NBPF11: variants seen among roughly 807,000 people sequenced by gnomAD.
NBPF11 encodes the protein NBPF family member NBPF11.
A neutral mutation model predicts 93.9 loss-of-function variants in NBPF11; 72 were observed. The observed-to-expected ratio is 0.77, with a 90% CI of 0.63 to 0.93. The LOEUF is 0.93. NBPF11 is among the 40% of genes least tolerant of loss of function. The pLI is 0.00. For synonymous variants in NBPF11, 224 were observed against 304.9 expected (o/e 0.73, Z 2.76); for missense variants, 705 against 802.2 (o/e 0.88, Z 1.46).
intron 16 of NBPF11, 68 bp downstream of exon 16, chr1:148,110,310 C>G (rs1664943857): frequency 1.9e-6 from 3 of 1,556,098 alleles, no homozygotes; most frequent in Non-Finnish European, 2.6e-6. Context: ...GGGCACAAGG[C>G]CCAAAGATTA....
chr1:148,149,621 C>G (rs1396604568), intron 1 of NBPF11: 2 of 1,519,806 alleles, frequency 1.3e-6, no homozygotes, highest in Non-Finnish European at 1.8e-6. Flanking sequence ...GACCTCACCC[C>G]GCGCCGGCCC....
Position 148,103,690 on chromosome 1 carries a change from C to T in NBPF11, c.*206G>A. On this transcript the variant is annotated 3_prime_UTR_variant, in exon 24 of 24. Transcript: ENST00000682118. ...CTGCTTATTGTGGGAATATGACTCC[C>T]ATCTGGAAGACCAGGTGGAGACTTC... 1 of 1,611,272 alleles carries T rather than the reference C, an allele frequency of 6.2e-7. No individual in the cohort carries two copies. Among genetic ancestry groups the T allele is most frequent in the East Asian group, 2.2e-5 (1 of 44,884 alleles).
chr1:148,106,884 A>C (rs1206202440), intron 20 of NBPF11, 58 bp downstream of exon 20: 8 of 770,068 alleles, frequency 1.0e-5, no homozygotes, highest in Non-Finnish European at 1.6e-5. Flanking sequence ...GAACAGGAAT[A>C]TCACCCCTAT....
At chr1:148,132,064 G>A (rs1359421989) in intron 4 of NBPF11, among the ~76,000 whole-genome samples, 2 of 143,348 alleles carry the variant, frequency 1.4e-5, no homozygotes, top group Admixed American at 6.9e-5. Context: ...CTTTTCTGAA[G>A]TATCTATTCA....
intron 11 of NBPF11, among the ~76,000 whole-genome samples, chr1:148,118,344 G>A (rs1388707513): frequency 6.6e-6 from 1 of 151,816 alleles, no homozygotes; most frequent in Non-Finnish European, 1.5e-5. Flanking sequence ...CTGCTGTGTG[G>A]TTCACACTCC....
Position 148,122,136 on chromosome 1 carries a change from C to T in NBPF11, c.697G>A (p.Glu233Lys), listed in dbSNP as rs1668023281. The part of the protein sequence containing the change: ...PHKNIKITFE[E>K]DKVNSSLVVD... ...ACCAGAGATGAGTTGACTTTGTCTT[C>T]CTCAAATGTGATTTTGATGTTCTTG... is the stretch of plus-strand genomic sequence containing the variant. The change falls in exon 9 of 24, where the codon GAA (glutamate) becomes AAA (lysine). Residue 233 changes from glutamate to lysine, a missense_variant. Glu to Lys is a moderately conservative substitution (Grantham distance 56). Around this residue, in one of 12 missense-constraint regions of NBPF11, gnomAD observed 262 missense variants for 223.1 expected, o/e 1.17. Transcript: ENST00000682118. 1.2e-6 allele frequency: 2 copies of T among 1,613,398 alleles called. No homozygotes were observed. The highest frequency in any genetic ancestry group is 1.3e-5 in the African/African-American group (1 of 74,828).
rs1383451061 is a variant in NBPF11 at position 148,122,811 on chromosome 1, C to A, written c.494-10G>T. 5.6e-6 allele frequency: 9 copies of A among 1,609,612 alleles called. No individual in the cohort carries two copies. In the South Asian group the frequency reaches 7.7e-5, roughly 14 times the overall value. On this transcript the variant is annotated splice_polypyrimidine_tract_variant and intron_variant, in intron 7 of 23. Transcript: ENST00000682118. ...TCATCTTCGTCATTTTCTATAAATA[C>A]AAAATGTTCGTTCAGATATTTCCCA...
At chr1:148,146,388 G>C in intron 1 of NBPF11, 3 of 1,582,936 alleles carry the variant, frequency 1.9e-6, no homozygotes, top group Non-Finnish European at 2.6e-6. Context: ...CCCGGGCGGC[G>C]CCCGCCATGA....
intron 9 of NBPF11, among the ~76,000 whole-genome samples, chr1:148,120,953 G>A (rs1281166941): frequency 2.6e-5 from 4 of 152,144 alleles, no homozygotes; most frequent in South Asian, 2.1e-4. Context: ...ATAAAGCAAG[G>A]CTTGGCCCTG....
At chr1:148,130,793 A>G (rs1327567022) in intron 4 of NBPF11, among the ~76,000 whole-genome samples, 4 of 152,060 alleles carry the variant, frequency 2.6e-5, no homozygotes, top group African/African-American at 9.7e-5. Flanking sequence ...ACCCCTTTGC[A>G]GTTCATCAGC....
intron 1 of NBPF11, chr1:148,146,859 C>T: frequency 6.2e-7 from 1 of 1,613,812 alleles, no homozygotes; most frequent in Admixed American, 1.7e-5. Context: ...CCAGCTCGGG[C>T]AGGCCTTCCG....
chr1:148,144,428 A>G (rs1672667147), intron 1 of NBPF11, among the ~76,000 whole-genome samples: 1 of 151,564 alleles, frequency 6.6e-6, no homozygotes, highest in Admixed American at 6.6e-5. Flanking sequence ...TGAATATGGT[A>G]TTAGTATGTT....
intron 1 of NBPF11, 64 bp from the exon 2 acceptor site, chr1:148,143,750 G>A (rs1266648434): frequency 6.5e-6 from 1 of 154,740 alleles, no homozygotes; most frequent in Middle Eastern, 3.2e-3. Flanking sequence ...AACTTGAAGG[G>A]TGAAGCTGCC....
intron 6 of NBPF11, 95 bp from the exon 7 acceptor site, chr1:148,124,162 G>A: frequency 7.8e-7 from 1 of 1,282,568 alleles, no homozygotes; most frequent in South Asian, 1.2e-5. Context: ...TGTTCTCAAG[G>A]AGACCTTCAA....
At chr1:148,118,574 G>T (rs1667107722) in intron 11 of NBPF11, 46 bp downstream of exon 11, 7 of 1,573,300 alleles carry the variant, frequency 4.4e-6, no homozygotes, top group Non-Finnish European at 6.1e-6. Flanking sequence ...GTACTTCAGA[G>T]ATTTACACAC....
intron 1 of NBPF11, chr1:148,149,585 G>C (rs1455548864): frequency 1.9e-6 from 3 of 1,592,870 alleles, no homozygotes; most frequent in Admixed American, 3.3e-5. Context: ...CCAACCAGCC[G>C]GACCTCAGCA....
At chr1:148,105,727 C>CAG (rs1357127584) in intron 21 of NBPF11, among the ~76,000 whole-genome samples, 199 bp from the exon 22 acceptor site, 4 of 97,606 alleles carry the variant, frequency 4.1e-5, no homozygotes, top group Non-Finnish European at 5.5e-5. Context: ...GACAGACACA[C>CAG]ACACACACAC....
At chr1:148,124,132 A>G in intron 6 of NBPF11, 65 bp from the exon 7 acceptor site, 3 of 1,587,864 alleles carry the variant, frequency 1.9e-6, no homozygotes, top group Non-Finnish European at 2.6e-6. Context: ...CAAATATTGC[A>G]ACAGAGATTT....
At chr1:148,108,335 C>A (rs1553267733) in intron 18 of NBPF11, 147 bp downstream of exon 18, 10 of 664,366 alleles carry the variant, frequency 1.5e-5, no homozygotes, top group Non-Finnish European at 2.7e-5. Flanking sequence ...CCAAGTGGAA[C>A]TAGAGTTTCA....
Sources: gnomAD v4.1 joint callset for allele counts (sites outside exome capture counted in the v4.1 genomes callset) on GRCh38, gnomAD v4.1.1 for gene constraint, gnomAD v4.1.1 regional missense constraint, MANE v1.5 for transcripts, NCBI Gene and HGNC (gene_info 2026-07-23, HGNC 2026-07-21) for gene names.